The following TRHDE variants were observed in gnomAD, a reference collection of about 807,000 sequenced individuals.
TRHDE encodes thyrotropin releasing hormone degrading enzyme.
Under a neutral mutation model 125.7 loss-of-function variants are expected in TRHDE, and 72 were observed. The observed-to-expected ratio is 0.57, with a 90% confidence interval of 0.47 to 0.70. The LOEUF (loss-of-function observed/expected upper bound fraction) is 0.70, where lower values mean the gene tolerates loss of function less well. Ranked by LOEUF, TRHDE falls within the 30% of genes least tolerant of loss-of-function variation. The pLI, the probability that TRHDE is intolerant of heterozygous loss-of-function variation, is 0.00. For synonymous variants in TRHDE, 509 were observed against 509.1 expected, an observed-to-expected ratio of 1.00 and a Z score of 0.00; for missense variants, 1,110 against 1,327.1, an observed-to-expected ratio of 0.84 and a Z score of 2.54.
chr12:72,555,527 A>C (rs1246445527), intron 7 of TRHDE, among the ~76,000 whole-genome samples: 1 of 152,310 alleles, frequency 6.6e-6, no homozygotes, highest in African/African-American at 2.4e-5. Flanking sequence ...TAAAATATAA[A>C]CATTATTTTT....
At chr12:72,192,442 A>G (rs1040521057) in intron 2 of TRHDE, among the ~76,000 whole-genome samples, 14 of 152,242 alleles carry the variant, frequency 9.2e-5, no homozygotes, top group African/African-American at 2.6e-4. Context: ...TGGATACTGC[A>G]TCTAACCGAG....
chr12:72,259,660 C>G (rs1335005260), intron 2 of TRHDE, among the ~76,000 whole-genome samples: 1 of 152,200 alleles, frequency 6.6e-6, no homozygotes, highest in Non-Finnish European at 1.5e-5. Context: ...AACTTTTCCT[C>G]TTTCCATGTT....
intron 2 of TRHDE, among the ~76,000 whole-genome samples, chr12:72,152,545 G>A (rs975848105): frequency 2.6e-5 from 4 of 152,264 alleles, no homozygotes; most frequent in Non-Finnish European, 4.4e-5. Flanking sequence ...GTCATAGATA[G>A]CTCTTATTAT....
At position 72,378,112 on chromosome 12, in the gene TRHDE, C is replaced by A. The variant is rs752459412; in HGVS notation, c.1306C>A (p.Pro436Thr). The A allele has an allele frequency of 1.3e-6, 2 of 1,571,074 alleles. No individual in the cohort carries two copies. The highest frequency in any genetic ancestry group is 1.7e-6 in the Non-Finnish European group (2 of 1,166,414). ...CTACTTTAAAGTGCCCTATTCCTTG[C>A]CAAAACTAGGTAAGAATTTTCTTGG... is the stretch of plus-strand genomic sequence containing the variant. Reference protein sequence around the residue: ...EDYFKVPYSLPKLDLLAVPKH... With the variant: ...EDYFKVPYSLTKLDLLAVPKH... Residue 436 changes from proline to threonine, a missense_variant, in exon 3 of 19, where the codon CCA becomes ACA. Physicochemically the swap from Pro to Thr is conservative, Grantham distance 38. Around this residue, in one of 5 missense-constraint regions of TRHDE, gnomAD observed 252 missense variants for 274.8 expected, o/e 0.92. Transcript: ENST00000261180.
At chr12:72,629,785 A>G (rs1240218369) in intron 15 of TRHDE, among the ~76,000 whole-genome samples, 1 of 151,634 alleles carries the variant, frequency 6.6e-6, no homozygotes, top group Admixed American at 6.6e-5. Flanking sequence ...CTAATGTAAT[A>G]TAAGCATTCA....
Position 72,380,661 on chromosome 12 carries a change from G to T in TRHDE, c.1315+2540G>T, listed in dbSNP as rs1414398394. Among the ~76,000 whole-genome samples the T allele has an allele frequency of 2.0e-5, 3 of 152,120 alleles. No individual in the cohort carries two copies. The East Asian group carries it at 5.8e-4, about 29-fold the overall frequency. On this transcript the variant is annotated intron_variant, in intron 3 of 18. Transcript: ENST00000261180. ...GTAGATGACACGGTCAAGGAGGAAT[G>T]GGTGGATGACAGATCATGGACCGCC...
intron 2 of TRHDE, among the ~76,000 whole-genome samples, chr12:72,234,252 G>T (rs1449991658): frequency 1.3e-5 from 2 of 152,096 alleles, no homozygotes; most frequent in Non-Finnish European, 2.9e-5. Context: ...TTGTCAAAAA[G>T]ATGTTATCTT....
rs1190417288 is a variant in TRHDE at position 72,193,639 on chromosome 12, T to G, written n.279+87887T>G. Among the ~76,000 whole-genome samples the G allele has an allele frequency of 2.0e-5, 3 of 152,240 alleles. No individual in the cohort carries two copies. The East Asian group carries it at 5.8e-4, about 29-fold the overall frequency. On this transcript the variant is annotated intron_variant and non_coding_transcript_variant, in intron 2 of 4. Transcript: ENST00000548156. ...GTAGGGGGTTGAATCTTGTGTTTTG[T>G]GCATGTTAGATGGTTTCACATCAGG...
At chr12:72,198,935 G>A (rs1242961474) in intron 2 of TRHDE, among the ~76,000 whole-genome samples, 1 of 138,982 alleles carries the variant, frequency 7.2e-6, no homozygotes, top group Non-Finnish European at 1.5e-5. Flanking sequence ...TGAAGCAGGA[G>A]AGAGAGAGAG....
At chr12:72,641,875 T>G (rs1874078593) in intron 15 of TRHDE, among the ~76,000 whole-genome samples, 1 of 152,214 alleles carries the variant, frequency 6.6e-6, no homozygotes, top group African/African-American at 2.4e-5. Context: ...ACAATATATT[T>G]TTCTCCCAAA....
chr12:72,520,428 C>T (rs1204342438), intron 6 of TRHDE, among the ~76,000 whole-genome samples: 1 of 152,192 alleles, frequency 6.6e-6, no homozygotes, highest in Non-Finnish European at 1.5e-5. Context: ...TCACGCCTTT[C>T]TTTGACTAGG....
intron 2 of TRHDE, among the ~76,000 whole-genome samples, chr12:72,147,318 G>T (rs1205996202): frequency 1.3e-5 from 2 of 152,086 alleles, no homozygotes; most frequent in Non-Finnish European, 2.9e-5. Context: ...GTCTAAGCAG[G>T]CTTGGTTCAG....
At chr12:72,375,016 T>C (rs1434283823) in intron 2 of TRHDE, among the ~76,000 whole-genome samples, 3 of 152,054 alleles carry the variant, frequency 2.0e-5, no homozygotes, top group Non-Finnish European at 4.4e-5. Context: ...CAAGAAAGCA[T>C]AGATTGGTGA....
chr12:72,403,668 CT>C (rs1266832522), intron 3 of TRHDE, among the ~76,000 whole-genome samples: 1 of 152,162 alleles, frequency 6.6e-6, no homozygotes, highest in African/African-American at 2.4e-5. Context: ...GGATTAGATG[CT>C]GGAGTAGAAT....
intron 6 of TRHDE, among the ~76,000 whole-genome samples, chr12:72,533,723 G>GTTTTTTTTTTTT: frequency 1.0e-4 from 10 of 97,878 alleles, no homozygotes; most frequent in Admixed American, 1.9e-4. Flanking sequence ...TTTTCTATTT[G>GTTTTTTTTTTTT]TTTTTTTTTT....
At chr12:72,563,111 G>A in intron 9 of TRHDE, 71 bp downstream of exon 9, 1 of 1,142,776 alleles carries the variant, frequency 8.8e-7, no homozygotes, top group Non-Finnish European at 1.2e-6. Context: ...ATTTCAAAGA[G>A]CATTAATAAC....
intron 3 of TRHDE, among the ~76,000 whole-genome samples, chr12:72,446,677 A>C (rs992226577): frequency 1.3e-5 from 2 of 152,120 alleles, no homozygotes; most frequent in Admixed American, 1.3e-4. Flanking sequence ...TACCAAGCAA[A>C]TGGAAAACAA....
At chr12:72,105,270 G>C (rs1276634381) in intron 1 of TRHDE, among the ~76,000 whole-genome samples, 3 of 152,160 alleles carry the variant, frequency 2.0e-5, no homozygotes, top group Non-Finnish European at 2.9e-5. Flanking sequence ...GGCTCAAGTG[G>C]TTGGGGAGGT....
intron 2 of TRHDE, among the ~76,000 whole-genome samples, chr12:72,336,319 A>G (rs1592552754): frequency 6.6e-6 from 1 of 152,170 alleles, no homozygotes; most frequent in African/African-American, 2.4e-5. Flanking sequence ...AATCTCTCCT[A>G]ATCCCAAAAG....
Sources: gnomAD v4.1 joint callset for allele counts (sites outside exome capture counted in the v4.1 genomes callset) on GRCh38, gnomAD v4.1.1 for gene constraint, gnomAD v4.1.1 regional missense constraint, MANE v1.5 for transcripts, NCBI Gene and HGNC (gene_info 2026-07-23, HGNC 2026-07-21) for gene names.